Variants in LCORL observed in about 807,000 individuals in gnomAD.
The protein encoded by LCORL is ligand dependent nuclear receptor corepressor like.
In LCORL, 41 loss-of-function variants were observed where a neutral mutation model predicts 141.8. That is an observed-to-expected ratio of 0.29 (90% CI 0.23 to 0.38). The LOEUF is 0.38. LCORL is among the 10% of genes least tolerant of loss of function. The pLI, the probability that LCORL is intolerant of heterozygous loss-of-function variation, is 1.00. For missense variants in LCORL, 1,759 were observed against 2,035.0 expected, an observed-to-expected ratio of 0.86 and a Z score of 2.61; for synonymous variants, 618 against 694.1, an observed-to-expected ratio of 0.89 and a Z score of 1.72.
At chr4:17,953,677 GC>G (rs1348354912) in intron 4 of LCORL, among the ~76,000 whole-genome samples, 1 of 152,138 alleles carries the variant, frequency 6.6e-6, no homozygotes, top group Non-Finnish European at 1.5e-5. Context: ...TTAAAGCATT[GC>G]TTTTGATTCT....
chr4:17,941,699 A>G (rs1737988749), intron 4 of LCORL, among the ~76,000 whole-genome samples: 1 of 152,204 alleles, frequency 6.6e-6, no homozygotes, highest in African/African-American at 2.4e-5. Flanking sequence ...TTGAAAAGGA[A>G]GGGTAAACCA....
intron 7 of LCORL, among the ~76,000 whole-genome samples, chr4:17,852,281 G>C (rs1723827872): frequency 8.4e-6 from 1 of 119,114 alleles, no homozygotes. Context: ...TGGTACTCTT[G>C]AGAGTAGAGT....
chr4:18,004,559 G>A (rs190417383), intron 1 of LCORL, among the ~76,000 whole-genome samples: 1 of 152,282 alleles, frequency 6.6e-6, no homozygotes, highest in East Asian at 1.9e-4. Flanking sequence ...TTCCTATCGT[G>A]ATACGTGGGA....
intron 1 of LCORL, among the ~76,000 whole-genome samples, chr4:17,977,247 G>T (rs1207354169): frequency 6.6e-6 from 1 of 151,466 alleles, no homozygotes; most frequent in Non-Finnish European, 1.5e-5. Flanking sequence ...CATTTTTCTT[G>T]TGTAAATAAT....
chr4:17,946,067 C>T (rs1001817428), intron 4 of LCORL, among the ~76,000 whole-genome samples: 1 of 151,916 alleles, frequency 6.6e-6, no homozygotes, highest in Non-Finnish European at 1.5e-5. Flanking sequence ...CATCCTCTAA[C>T]ACAAAATTTG....
intron 1 of LCORL, among the ~76,000 whole-genome samples, chr4:17,994,708 G>T (rs894091526): frequency 2.0e-5 from 3 of 147,948 alleles, no homozygotes; most frequent in African/African-American, 7.8e-5. Context: ...GGTGCTCTGG[G>T]GATACAGCAG....
At chr4:17,842,209 T>C in exon 8 of LCORL, 1 of 952,204 alleles carries the variant, frequency 1.1e-6, no homozygotes, top group Non-Finnish European at 1.7e-6. Context: ...GTTGAAAGGA[T>C]TGTTGTGTTG....
intron 2 of LCORL, among the ~76,000 whole-genome samples, chr4:17,968,080 G>C (rs1488077785): frequency 1.3e-5 from 2 of 151,914 alleles, no homozygotes; most frequent in East Asian, 3.9e-4. Flanking sequence ...CCGGTTTCAA[G>C]CTCCTGACCT....
intron 5 of LCORL, among the ~76,000 whole-genome samples, chr4:17,906,954 T>A (rs533346388): frequency 1.3e-5 from 2 of 152,326 alleles, no homozygotes; most frequent in African/African-American, 4.8e-5. Context: ...AGTGCTGGGA[T>A]TACAGGTGTG....
intron 1 of LCORL, among the ~76,000 whole-genome samples, chr4:17,999,577 G>A (rs777674481): frequency 3.1e-4 from 47 of 152,102 alleles, no homozygotes; most frequent in Non-Finnish European, 5.0e-4. Flanking sequence ...ATGTCTTTAC[G>A]TAGAACATGA....
At chr4:17,924,574 A>G (rs1258524323) in intron 4 of LCORL, among the ~76,000 whole-genome samples, 1 of 152,198 alleles carries the variant, frequency 6.6e-6, no homozygotes, top group Non-Finnish European at 1.5e-5. Flanking sequence ...ACTGGAATAG[A>G]CACTTACTCC....
chr4:17,905,800 G>C (rs368391831), intron 5 of LCORL, among the ~76,000 whole-genome samples: 8 of 152,002 alleles, frequency 5.3e-5, no homozygotes, highest in African/African-American at 1.2e-4. Context: ...AAAAATTACA[G>C]AGTGAGAATA....
At chr4:17,960,400 A>G (rs942897434) in intron 4 of LCORL, 3 of 154,332 alleles carry the variant, frequency 1.9e-5, no homozygotes, top group African/African-American at 7.2e-5. Context: ...AAAGGCTATT[A>G]TTATTGATAA....
At chr4:17,982,483 A>G (rs1038359944) in intron 1 of LCORL, among the ~76,000 whole-genome samples, 6 of 147,530 alleles carry the variant, frequency 4.1e-5, no homozygotes, top group African/African-American at 1.5e-4. Context: ...CTGGTGTGAG[A>G]TGTTATCTCA....
chr4:17,912,443 C>A, intron 4 of LCORL: 1 of 584,838 alleles, frequency 1.7e-6, no homozygotes. Flanking sequence ...AAGATCATGG[C>A]AGACATCTGG....
intron 7 of LCORL, 77 bp from the exon 8 acceptor site, chr4:17,845,978 G>A (rs555743964): frequency 8.2e-7 from 1 of 1,219,672 alleles, no homozygotes; most frequent in Non-Finnish European, 1.2e-6. Context: ...AGAACATTTA[G>A]TTGTAGTAGT....
intron 5 of LCORL, among the ~76,000 whole-genome samples, chr4:17,903,696 A>C (rs1030928459): frequency 6.6e-6 from 1 of 152,038 alleles, no homozygotes; most frequent in African/African-American, 2.4e-5. Flanking sequence ...GCCTGGATAG[A>C]AAGTACAATG....
chr4:17,997,257 G>A (rs1432018549), intron 1 of LCORL, among the ~76,000 whole-genome samples: 2 of 152,112 alleles, frequency 1.3e-5, no homozygotes, highest in South Asian at 2.1e-4. Context: ...TTACTTGTTG[G>A]AATTCGTTGT....
At chr4:18,000,726 G>A (rs1296885942) in intron 1 of LCORL, among the ~76,000 whole-genome samples, 1 of 152,166 alleles carries the variant, frequency 6.6e-6, no homozygotes, top group African/African-American at 2.4e-5. Flanking sequence ...AGTCTACTGT[G>A]TTAAAAAGTG....
Sources: gnomAD v4.1 joint callset for allele counts (sites outside exome capture counted in the v4.1 genomes callset) on GRCh38, gnomAD v4.1.1 for gene constraint, MANE v1.5 for transcripts, NCBI Gene and HGNC (gene_info 2026-07-23, HGNC 2026-07-21) for gene names.